VPS35L: variants seen among roughly 807,000 people sequenced by gnomAD.
The protein encoded by VPS35L is VPS35 endosomal protein-sorting factor-like.
VPS35L carries 83 observed loss-of-function variants against 133.0 expected under a neutral mutation model. The observed-to-expected ratio is 0.62, with a 90% CI of 0.52 to 0.75. The LOEUF (loss-of-function observed/expected upper bound fraction) is 0.75, where lower values mean the gene tolerates loss of function less well. VPS35L is among the 30% of genes least tolerant of loss of function. VPS35L has a pLI of 0.00. For missense variants in VPS35L, 1,083 were observed against 1,206.8 expected, an observed-to-expected ratio of 0.90 and a Z score of 1.52; for synonymous variants, 423 against 449.9, an observed-to-expected ratio of 0.94 and a Z score of 0.76.
At position 19,686,140 on chromosome 16, in the gene VPS35L, G is replaced by A. The variant is rs113705835; in HGVS notation, c.2527+3750G>A. Among the ~76,000 whole-genome samples, 301 of 152,240 alleles carry A rather than the reference G, an allele frequency of 2.0e-3. 1 individual carries two copies. Among genetic ancestry groups the A allele is most frequent in the African/African-American group, 6.9e-3 (288 of 41,548 alleles). The stretch of plus-strand genomic sequence containing the variant: ...TTGAATGTGCAACTGTGACCTGCCC[G>A]GCGTCTTGGTAGGAGACCCAGGGAA... On this transcript the variant is annotated intron_variant, in intron 28 of 30. Coordinates refer to ENST00000417362, the MANE Select transcript of VPS35L (RefSeq NM_020314.7).
chr16:19,643,383 G>C (rs1973844017), intron 22 of VPS35L, among the ~76,000 whole-genome samples: 1 of 152,190 alleles, frequency 6.6e-6, no homozygotes, highest in Non-Finnish European at 1.5e-5. Flanking sequence ...CCAGAAGGTA[G>C]GGGTAGGGCA....
intron 27 of VPS35L, among the ~76,000 whole-genome samples, chr16:19,676,318 T>C (rs981057706): frequency 6.6e-6 from 1 of 152,180 alleles, no homozygotes; most frequent in Non-Finnish European, 1.5e-5. Flanking sequence ...CCTGGTCCAA[T>C]TTATTGATTC....
At chr16:19,678,481 ATTTTTT>A (rs776896300) in intron 27 of VPS35L, among the ~76,000 whole-genome samples, 1 of 141,780 alleles carries the variant, frequency 7.1e-6, no homozygotes. Context: ...CCATCTGTAC[ATTTTTT>A]TTTTTTTTTG....
At chr16:19,608,295 G>A in intron 10 of VPS35L, 21 bp downstream of exon 10, 1 of 1,241,680 alleles carries the variant, frequency 8.1e-7, no homozygotes, top group Non-Finnish European at 1.1e-6. Context: ...TTTTTTTTTT[G>A]GTCTGATGAT....
intron 9 of VPS35L, 82 bp from the exon 10 acceptor site, chr16:19,608,096 C>T: frequency 1.0e-6 from 1 of 999,582 alleles, no homozygotes; most frequent in Non-Finnish European, 1.6e-6. Flanking sequence ...TTTTCTGCTC[C>T]AGGGTAATGT....
intron 8 of VPS35L, among the ~76,000 whole-genome samples, chr16:19,594,849 G>A (rs226861): frequency 6.6e-6 from 1 of 151,296 alleles, no homozygotes; most frequent in Non-Finnish European, 1.5e-5. Context: ...AGGGGTGCAA[G>A]TTTAAGTAAG....
chr16:19,662,135 C>T (rs952998552), intron 26 of VPS35L, among the ~76,000 whole-genome samples: 2 of 151,978 alleles, frequency 1.3e-5, no homozygotes, highest in Admixed American at 6.6e-5. Context: ...CCCAGGAGGT[C>T]GAGGCAGGAG....
rs906315435 is a variant in VPS35L, at chr16:19,652,063, G to T, written c.2194G>T (p.Ala732Ser). Reference sequence around the variant, plus strand: ...TCTCTACCTGCATTCTGGTCAGGTGGCCTTGGCCAACCAGTGCCTCTCCCA... The same window carrying T: ...TCTCTACCTGCATTCTGGTCAGGTGTCCTTGGCCAACCAGTGCCTCTCCCA... ...LNLYLHSGQVALANQCLSQAD... is the reference protein window; with the variant it reads ...LNLYLHSGQVSLANQCLSQAD... Residue 732 changes from alanine (A) to serine (S), a missense_variant, in exon 26 of 31, where the codon GCC becomes TCC. Transcript: ENST00000417362. 1 of 1,609,034 alleles carries T rather than the reference G, an allele frequency of 6.2e-7. No homozygotes were observed. Among genetic ancestry groups the T allele is most frequent in the African/African-American group, 1.3e-5 (1 of 74,844 alleles).
At chr16:19,576,919 C>G (rs1224436456) in intron 5 of VPS35L, among the ~76,000 whole-genome samples, 1 of 152,072 alleles carries the variant, frequency 6.6e-6, no homozygotes, top group Non-Finnish European at 1.5e-5. Flanking sequence ...GTTGGCCAGG[C>G]TGGTCTCAAA....
intron 28 of VPS35L, among the ~76,000 whole-genome samples, chr16:19,687,743 G>A (rs1020751664): frequency 6.6e-6 from 1 of 152,108 alleles, no homozygotes; most frequent in African/African-American, 2.4e-5. Context: ...ATGTGTGTCT[G>A]TCCATCCTTG....
intron 26 of VPS35L, among the ~76,000 whole-genome samples, chr16:19,666,055 G>A (rs1953036236): frequency 6.6e-6 from 1 of 151,064 alleles, no homozygotes; most frequent in South Asian, 2.1e-4. Context: ...AGAGTTGTTT[G>A]AGCTCCTTAT....
intron 7 of VPS35L, among the ~76,000 whole-genome samples, chr16:19,589,544 T>C (rs1054525599): frequency 6.6e-6 from 1 of 152,176 alleles, no homozygotes; most frequent in African/African-American, 2.4e-5. Flanking sequence ...CATGCCCAGC[T>C]GGGATTTGTA....
chr16:19,683,875 A>AC (rs1656911473), intron 28 of VPS35L, among the ~76,000 whole-genome samples: 5 of 152,244 alleles, frequency 3.3e-5, no homozygotes, highest in Admixed American at 3.3e-4. Context: ...AGAAATCTCC[A>AC]AAACTGCTTT....
chr16:19,612,543 C>T (rs1039089463), intron 12 of VPS35L, among the ~76,000 whole-genome samples: 7 of 152,182 alleles, frequency 4.6e-5, no homozygotes, highest in East Asian at 1.9e-4. Flanking sequence ...TGTGAGCCCC[C>T]GTGCCCAGCC....
intron 27 of VPS35L, among the ~76,000 whole-genome samples, chr16:19,678,320 ATTTG>A (rs1975133632): frequency 1.3e-5 from 2 of 151,714 alleles, no homozygotes; most frequent in African/African-American, 2.4e-5. Context: ...CTTTGTCAGC[ATTTG>A]TTTGTTCTAC....
chr16:19,692,455 T>TC (rs778453556), intron 29 of VPS35L, among the ~76,000 whole-genome samples: 8 of 152,204 alleles, frequency 5.3e-5, no homozygotes, highest in Admixed American at 6.5e-5. Context: ...CGTTGATATT[T>TC]CCTCTGGCTG....
At chr16:19,608,824 A>G (rs1257831247) in intron 10 of VPS35L, 150 bp from the exon 11 acceptor site, 4 of 610,838 alleles carry the variant, frequency 6.5e-6, no homozygotes, top group Admixed American at 2.9e-5. Context: ...TGTAGAAACC[A>G]TAAGCTACCT....
chr16:19,599,247 A>C (rs1972307603), intron 8 of VPS35L, among the ~76,000 whole-genome samples: 1 of 152,228 alleles, frequency 6.6e-6, no homozygotes, highest in South Asian at 2.1e-4. Flanking sequence ...ACAAAGTCCC[A>C]GCTGCATCCA....
At chr16:19,602,958 T>TG (rs1340159397) in intron 9 of VPS35L, among the ~76,000 whole-genome samples, 1 of 151,208 alleles carries the variant, frequency 6.6e-6, no homozygotes, top group African/African-American at 2.4e-5. Flanking sequence ...AGACACGGGG[T>TG]CTCCCTATGT....
Sources: gnomAD v4.1 joint callset for allele counts (sites outside exome capture counted in the v4.1 genomes callset) on GRCh38, gnomAD v4.1.1 for gene constraint, MANE v1.5 for transcripts, NCBI Gene and HGNC (gene_info 2026-07-23, HGNC 2026-07-21) for gene names.